The following OPCML variants were observed in gnomAD, a reference collection of about 807,000 sequenced individuals.
OPCML encodes opioid-binding protein/cell adhesion molecule.
A neutral mutation model predicts 37.8 loss-of-function variants in OPCML; 13 were observed. That is an observed-to-expected ratio of 0.34 (90% CI 0.22 to 0.55). The LOEUF (loss-of-function observed/expected upper bound fraction) is 0.55, where lower values mean the gene tolerates loss of function less well. Ranked by LOEUF, OPCML falls within the 20% of genes least tolerant of loss-of-function variation. The pLI, the probability that OPCML is intolerant of heterozygous loss-of-function variation, is 0.91. For missense variants in OPCML, 341 were observed against 435.6 expected (o/e 0.78, Z 1.93); for synonymous variants, 176 against 168.8 (o/e 1.04, Z -0.33).
In OPCML at chr11:133,079,191, C is replaced by T. The variant is rs185571581; in HGVS notation, c.62-136181G>A. Among the ~76,000 whole-genome samples the T allele has an allele frequency of 4.2e-3, 646 of 152,274 alleles. 1 individual carries two copies. Among genetic ancestry groups the T allele is most frequent in the Non-Finnish European group, 6.0e-3 (407 of 68,028 alleles). Reference sequence around the variant, plus strand: ...CATGTTTGATATGAAATTGCTTGTACTTTTGATACGCATTTTAAGCTAGTG... The same window carrying T: ...CATGTTTGATATGAAATTGCTTGTATTTTTGATACGCATTTTAAGCTAGTG... On this transcript the variant is annotated intron_variant, in intron 1 of 7. Transcript: ENST00000524381.
At chr11:133,207,935 T>A (rs1462136720) in intron 1 of OPCML, among the ~76,000 whole-genome samples, 1 of 152,198 alleles carries the variant, frequency 6.6e-6, no homozygotes, top group Non-Finnish European at 1.5e-5. Context: ...GGGTCTTCAT[T>A]CATGCTGTGT....
At position 132,546,814 on chromosome 11, in the gene OPCML, C is replaced by CGGGTGG. The variant is rs199599001; in HGVS notation, c.380-17629_380-17628insCCACCC. 6.7e-3 allele frequency among the ~76,000 whole-genome samples: 1,022 copies of CGGGTGG among 152,278 alleles called. 15 individuals carry two copies. Among genetic ancestry groups the CGGGTGG allele is most frequent in the African/African-American group, 0.023 (948 of 41,570 alleles). On this transcript the variant is annotated intron_variant, in intron 3 of 7. Transcript: ENST00000524381. Reference sequence around the variant, plus strand: ...GTAAGCACAGTGCCGGGGGTGGTGGCAGGTGGACAGTGCTCAAATATGACT... The same window carrying CGGGTGG: ...GTAAGCACAGTGCCGGGGGTGGTGGCGGGTGGAGGTGGACAGTGCTCAAATATGACT...
At chr11:132,431,857 C>T (rs1203777794) in intron 7 of OPCML, among the ~76,000 whole-genome samples, 1 of 152,150 alleles carries the variant, frequency 6.6e-6, no homozygotes, top group African/African-American at 2.4e-5. Flanking sequence ...AAATGCATGC[C>T]TGCAGATGGG....
intron 2 of OPCML, among the ~76,000 whole-genome samples, chr11:132,924,374 C>T (rs748439318): frequency 1.3e-5 from 2 of 152,072 alleles, no homozygotes; most frequent in Non-Finnish European, 2.9e-5. Context: ...TTCCTGGGCT[C>T]AAATGATACT....
intron 1 of OPCML, among the ~76,000 whole-genome samples, chr11:133,459,145 A>G (rs1946799503): frequency 6.6e-6 from 1 of 152,144 alleles, no homozygotes; most frequent in Non-Finnish European, 1.5e-5. Context: ...TTACATTGGC[A>G]TCAATTTAAC....
At chr11:132,794,689 C>T (rs1356611885) in intron 2 of OPCML, among the ~76,000 whole-genome samples, 1 of 152,058 alleles carries the variant, frequency 6.6e-6, no homozygotes, top group Non-Finnish European at 1.5e-5. Context: ...TAACCACCTC[C>T]TACACATGAA....
Position 133,256,676 on chromosome 11 carries a change from C to T in OPCML, c.61+275588G>A, listed in dbSNP as rs529819543. 3.9e-4 allele frequency among the ~76,000 whole-genome samples: 60 copies of T among 152,216 alleles called. 1 individual carries two copies. Among genetic ancestry groups the T allele is most frequent in the African/African-American group, 1.3e-3 (56 of 41,542 alleles). On this transcript the variant is annotated intron_variant, in intron 1 of 7. Coordinates refer to ENST00000524381, the MANE Select transcript of OPCML (RefSeq NM_001012393.5). ...GGTTCTGTGTTCTTTTTCCCATTTA[C>T]AGCTGTCAAAAAAGTTCCTTTAAAA...
In OPCML at chr11:133,007,711, A is replaced by C. The variant is rs1179882053; in HGVS notation, c.62-64701T>G. The C allele has an allele frequency of 5.1e-6, 5 of 985,366 alleles. No homozygotes were observed. The Admixed American group carries it at 1.8e-4, about 36-fold the overall frequency. 61.0% of individuals were successfully genotyped at this position (985,366 alleles called of 1,614,324 possible). On this transcript the variant is annotated intron_variant, in intron 1 of 7. Transcript: ENST00000524381. ...GAAGAAATTAAGCCAGAAAAAGTTCAGTGTCTGATGGAAGCAGACCCAGGC... is the reference window on the plus strand; with the variant it reads ...GAAGAAATTAAGCCAGAAAAAGTTCCGTGTCTGATGGAAGCAGACCCAGGC...
At chr11:133,031,841 A>C (rs1164575558) in intron 1 of OPCML, among the ~76,000 whole-genome samples, 1 of 152,182 alleles carries the variant, frequency 6.6e-6, no homozygotes, top group African/African-American at 2.4e-5. Context: ...TCAAATGAGC[A>C]CTTCAAGACC....
At chr11:132,596,473 G>T (rs2096492635) in intron 3 of OPCML, among the ~76,000 whole-genome samples, 1 of 152,042 alleles carries the variant, frequency 6.6e-6, no homozygotes, top group African/African-American at 2.4e-5. Context: ...GGCCAGTAAG[G>T]AAAGAAACAT....
intron 4 of OPCML, among the ~76,000 whole-genome samples, chr11:132,487,832 A>G (rs946976996): frequency 4.6e-5 from 7 of 152,222 alleles, no homozygotes; most frequent in South Asian, 2.1e-4. Flanking sequence ...ATCTTACTCA[A>G]TCATAGTATT....
At chr11:133,204,888 A>ATATATATGTG (rs1374766734) in intron 1 of OPCML, among the ~76,000 whole-genome samples, 1 of 129,154 alleles carries the variant, frequency 7.7e-6, no homozygotes, top group East Asian at 2.7e-4. Flanking sequence ...ATATATATAT[A>ATATATATGTG]TATATATATA....
At chr11:133,355,801 A>G (rs1398547372) in intron 1 of OPCML, among the ~76,000 whole-genome samples, 2 of 152,230 alleles carry the variant, frequency 1.3e-5, no homozygotes, top group Non-Finnish European at 2.9e-5. Flanking sequence ...GATTTCAGTC[A>G]AATCCAGAAT....
chr11:133,408,357 T>C (rs1945567454), intron 1 of OPCML, among the ~76,000 whole-genome samples: 2 of 152,212 alleles, frequency 1.3e-5, no homozygotes, highest in Non-Finnish European at 2.9e-5. Context: ...GTGAAAATTG[T>C]TAGGGCATCT....
At chr11:132,480,576 C>T (rs987784047) in intron 4 of OPCML, among the ~76,000 whole-genome samples, 4 of 152,084 alleles carry the variant, frequency 2.6e-5, no homozygotes, top group East Asian at 1.9e-4. Context: ...GTCAGATTCA[C>T]CAAAGTTGAA....
At chr11:133,159,052 T>C (rs936036989) in intron 1 of OPCML, among the ~76,000 whole-genome samples, 3 of 152,198 alleles carry the variant, frequency 2.0e-5, no homozygotes, top group Non-Finnish European at 4.4e-5. Flanking sequence ...ATTTGGGAAG[T>C]CTTTCCTGCC....
At chr11:133,192,707 C>T (rs1048145010) in intron 1 of OPCML, among the ~76,000 whole-genome samples, 1 of 152,142 alleles carries the variant, frequency 6.6e-6, no homozygotes, top group African/African-American at 2.4e-5. Context: ...CTAAATATAA[C>T]ACACTTCCTC....
At chr11:132,767,158 T>C (rs1946472306) in intron 2 of OPCML, among the ~76,000 whole-genome samples, 1 of 152,242 alleles carries the variant, frequency 6.6e-6, no homozygotes, top group African/African-American at 2.4e-5. Context: ...GAAATTTTTC[T>C]ATAAGTGTGA....
intron 3 of OPCML, among the ~76,000 whole-genome samples, chr11:132,611,941 C>T (rs940944267): frequency 1.1e-4 from 17 of 152,068 alleles, no homozygotes; most frequent in African/African-American, 3.4e-4. Flanking sequence ...TTTACAGTAG[C>T]GACCGGAGGA....
Sources: allele counts gnomAD v4.1 joint callset (sites outside exome capture counted in the v4.1 genomes callset), GRCh38; gene constraint gnomAD v4.1.1; transcripts MANE v1.5; gene names NCBI Gene and HGNC (gene_info 2026-07-23, HGNC 2026-07-21).